Variants in LRFN5 observed in about 807,000 individuals in gnomAD.
The protein encoded by LRFN5 is leucine rich repeat and fibronectin type III domain containing 5.
In LRFN5, 24 loss-of-function variants were observed where a neutral mutation model predicts 45.6. That is an observed-to-expected ratio of 0.53 (90% CI 0.38 to 0.74). The LOEUF (loss-of-function observed/expected upper bound fraction) is 0.74, where lower values mean the gene tolerates loss of function less well. Ranked by LOEUF, LRFN5 falls within the 30% of genes least tolerant of loss-of-function variation. LRFN5 has a pLI of 0.00. For synonymous variants in LRFN5, 340 were observed against 313.8 expected, an observed-to-expected ratio of 1.08 and a Z score of -0.88; for missense variants, 776 against 861.5, an observed-to-expected ratio of 0.90 and a Z score of 1.24.
intron 1 of LRFN5, chr14:41,699,471 A>G (rs1203657493): frequency 6.6e-6 from 1 of 152,134 alleles, no homozygotes; most frequent in East Asian, 1.9e-4. Context: ...ATTATGTGGA[A>G]GGAGTTTTGG....
chr14:41,829,179 C>T (rs1043690407), intron 2 of LRFN5, among the ~76,000 whole-genome samples: 1 of 151,898 alleles, frequency 6.6e-6, no homozygotes, highest in Non-Finnish European at 1.5e-5. Flanking sequence ...TTTGTCACCT[C>T]CACCTCCACT....
chr14:41,782,357 A>G (rs1886559096), intron 2 of LRFN5, among the ~76,000 whole-genome samples: 1 of 151,898 alleles, frequency 6.6e-6, no homozygotes, highest in Non-Finnish European at 1.5e-5. Context: ...TTCTGTTACA[A>G]TATTTTAATT....
At chr14:41,708,358 C>G (rs1399625981) in intron 1 of LRFN5, among the ~76,000 whole-genome samples, 1 of 151,936 alleles carries the variant, frequency 6.6e-6, no homozygotes, top group African/African-American at 2.4e-5. Flanking sequence ...AAATATTTAT[C>G]TCTAACATTG....
intron 2 of LRFN5, among the ~76,000 whole-genome samples, chr14:41,777,611 T>C (rs992079041): frequency 6.6e-6 from 1 of 151,884 alleles, no homozygotes; most frequent in African/African-American, 2.4e-5. Context: ...ATTTTCCTTA[T>C]ATTATTTTTT....
intron 2 of LRFN5, among the ~76,000 whole-genome samples, chr14:41,791,425 C>A (rs976967315): frequency 6.6e-6 from 1 of 151,818 alleles, no homozygotes; most frequent in Non-Finnish European, 1.5e-5. Context: ...AAGGAGTGAC[C>A]AATTATGTCT....
intron 1 of LRFN5, among the ~76,000 whole-genome samples, chr14:41,704,005 G>T (rs1882944751): frequency 1.3e-5 from 2 of 151,966 alleles, no homozygotes. Context: ...ATTTACCCCA[G>T]AATTTTTTAC....
chr14:41,733,943 T>C (rs916181216), intron 1 of LRFN5, among the ~76,000 whole-genome samples: 2 of 150,824 alleles, frequency 1.3e-5, no homozygotes, highest in Admixed American at 6.6e-5. Flanking sequence ...CTTTCTTCAG[T>C]TCTATTAATA....
chr14:41,823,047 T>G (rs573572543), intron 2 of LRFN5, among the ~76,000 whole-genome samples: 12 of 152,110 alleles, frequency 7.9e-5, no homozygotes, highest in Non-Finnish European at 1.2e-4. Context: ...TTATGCGGGC[T>G]TCTTGTAAGC....
At chr14:41,903,565 A>G (rs1891162113) in intron 5 of LRFN5, among the ~76,000 whole-genome samples, 1 of 151,608 alleles carries the variant, frequency 6.6e-6, no homozygotes, top group Admixed American at 6.6e-5. Context: ...ATTTTTATAA[A>G]ATGGCTTTTA....
intron 1 of LRFN5, among the ~76,000 whole-genome samples, chr14:41,740,213 A>G (rs567683571): frequency 5.3e-5 from 8 of 152,180 alleles, no homozygotes; most frequent in African/African-American, 1.7e-4. Context: ...CTTTACCCTA[A>G]TATTAAAACC....
rs868249015 is a variant in LRFN5 at position 41,729,615 on chromosome 14, A to G, written c.-196-37239A>G. 2.6e-5 allele frequency among the ~76,000 whole-genome samples: 4 copies of G among 152,092 alleles called. No individual in the cohort carries two copies. In the South Asian group the frequency reaches 8.3e-4, roughly 31 times the overall value. On this transcript the variant is annotated intron_variant, in intron 1 of 5. Coordinates refer to ENST00000298119, the MANE Select transcript of LRFN5 (RefSeq NM_152447.5). The stretch of plus-strand genomic sequence containing the variant: ...AGGAAAGAATACATTATTTTGAGTG[A>G]CAATGCTTTTGTAATTTCAAACCTT...
intron 4 of LRFN5, among the ~76,000 whole-genome samples, chr14:41,896,167 A>T (rs1890932985): frequency 6.6e-6 from 1 of 152,206 alleles, no homozygotes. Flanking sequence ...AAGATTTTTT[A>T]AAATTCCAAT....
intron 2 of LRFN5, among the ~76,000 whole-genome samples, chr14:41,861,011 T>C (rs1406284830): frequency 6.6e-6 from 1 of 152,220 alleles, no homozygotes; most frequent in African/African-American, 2.4e-5. Flanking sequence ...CAGGATTACT[T>C]GTTGCATTTA....
intron 2 of LRFN5, among the ~76,000 whole-genome samples, chr14:41,847,681 A>C (rs1280953433): frequency 6.6e-6 from 1 of 152,084 alleles, no homozygotes; most frequent in South Asian, 2.1e-4. Context: ...CCAAATTTCC[A>C]GAGTTAGTAA....
chr14:41,798,494 T>C (rs970326970), intron 2 of LRFN5, among the ~76,000 whole-genome samples: 3 of 152,000 alleles, frequency 2.0e-5, no homozygotes, highest in African/African-American at 4.8e-5. Flanking sequence ...GTGGGCAAAG[T>C]AGGCAAAATT....
intron 1 of LRFN5, chr14:41,699,682 A>G (rs1342610293): frequency 6.6e-6 from 1 of 152,110 alleles, no homozygotes; most frequent in African/African-American, 2.4e-5. Context: ...ATGTGACACT[A>G]ACACTCCGTG....
At chr14:41,713,287 G>A (rs1883357961) in intron 1 of LRFN5, among the ~76,000 whole-genome samples, 1 of 151,922 alleles carries the variant, frequency 6.6e-6, no homozygotes, top group Admixed American at 6.6e-5. Context: ...ATAATGTAAG[G>A]GAAAATTTTA....
rs192582417 is a variant in LRFN5, at chr14:41,794,070, G to A, written c.-21+27041G>A. Among the ~76,000 whole-genome samples the A allele has an allele frequency of 2.2e-3, 331 of 151,658 alleles. 1 individual carries two copies. Among genetic ancestry groups the A allele is most frequent in the Non-Finnish European group, 3.5e-3 (236 of 67,882 alleles). On this transcript the variant is annotated intron_variant, in intron 2 of 5. Coordinates refer to ENST00000298119, the MANE Select transcript of LRFN5 (RefSeq NM_152447.5). Reference sequence around the variant, plus strand: ...TATCTTCCTTTATTCCAGTGCTTTGGTTCTGCCCATATCAACTCATATTTA... The same window carrying A: ...TATCTTCCTTTATTCCAGTGCTTTGATTCTGCCCATATCAACTCATATTTA...
At chr14:41,728,434 C>T (rs1884027082) in intron 1 of LRFN5, among the ~76,000 whole-genome samples, 1 of 152,246 alleles carries the variant, frequency 6.6e-6, no homozygotes, top group African/African-American at 2.4e-5. Context: ...AGAAAACACA[C>T]ACATCTTTGT....
Sources: gnomAD v4.1 joint callset for allele counts (sites outside exome capture counted in the v4.1 genomes callset) on GRCh38, gnomAD v4.1.1 for gene constraint, MANE v1.5 for transcripts, NCBI Gene and HGNC (gene_info 2026-07-23, HGNC 2026-07-21) for gene names.